Variants in CMIP observed in about 807,000 individuals in gnomAD.
The protein encoded by CMIP is c-Maf inducing protein, also known as C-Maf-inducing protein.
CMIP carries 13 observed loss-of-function variants against 97.3 expected under a neutral mutation model. The ratio of observed to expected loss-of-function variants is 0.13; its 90% CI spans 0.09 to 0.21. The LOEUF (loss-of-function observed/expected upper bound fraction) is 0.21, where lower values mean the gene tolerates loss of function less well. Ranked by LOEUF, CMIP falls within the 10% of genes least tolerant of loss-of-function variation. CMIP has a pLI of 1.00. For synonymous variants in CMIP, 538 were observed against 436.3 expected (o/e 1.23, Z -2.91); for missense variants, 847 against 1,024.9 (o/e 0.83, Z 2.37).
intron 1 of CMIP, among the ~76,000 whole-genome samples, chr16:81,530,639 C>T (rs145656243): frequency 2.7e-3 from 405 of 152,200 alleles, no homozygotes; most frequent in Non-Finnish European, 3.5e-3. Context: ...GAGCCTCTCC[C>T]GCCCGCCTCC....
At chr16:81,603,020 T>A (rs2091682792) in intron 1 of CMIP, among the ~76,000 whole-genome samples, 1 of 152,190 alleles carries the variant, frequency 6.6e-6, no homozygotes, top group African/African-American at 2.4e-5. Flanking sequence ...CCATGTCCCC[T>A]GCAAGCCTCC....
At chr16:81,594,780 A>ATTTTTTTTTT (rs570057427) in intron 1 of CMIP, among the ~76,000 whole-genome samples, 43 of 115,048 alleles carry the variant, frequency 3.7e-4, no homozygotes, top group African/African-American at 5.5e-4. Flanking sequence ...CGCCCAGCTA[A>ATTTTTTTTTT]TTTTTTTTTT....
At chr16:81,636,183 G>GATTTCA (rs66983215) in intron 3 of CMIP, among the ~76,000 whole-genome samples, 4 of 51,682 alleles carry the variant, frequency 7.7e-5, no homozygotes, top group Admixed American at 7.1e-4. Context: ...TCCTCTGTAT[G>GATTTCA]AATTTTTCAA....
At chr16:81,610,619 G>A (rs946201838) in intron 2 of CMIP, 7 of 824,918 alleles carry the variant, frequency 8.5e-6, no homozygotes, top group Non-Finnish European at 8.8e-6. Context: ...GACCTGGATC[G>A]GCTTCTCCCT....
intron 1 of CMIP, among the ~76,000 whole-genome samples, chr16:81,587,946 C>A (rs1336182688): frequency 2.0e-5 from 3 of 152,212 alleles, no homozygotes; most frequent in Admixed American, 6.5e-5. Context: ...TGGAAGCCTG[C>A]AGCCCCCAGG....
intron 5 of CMIP, 116 bp from the exon 6 acceptor site, chr16:81,660,768 A>T: frequency 1.9e-6 from 2 of 1,054,820 alleles, no homozygotes; most frequent in Non-Finnish European, 3.0e-6. Flanking sequence ...GATGTGATGC[A>T]GGATGTGTTG....
intron 1 of CMIP, among the ~76,000 whole-genome samples, chr16:81,552,040 G>A (rs1225805867): frequency 1.3e-5 from 2 of 152,208 alleles, no homozygotes; most frequent in Non-Finnish European, 1.5e-5. Flanking sequence ...GGGCAGGGAG[G>A]ACTGGGGAGC....
intron 1 of CMIP, among the ~76,000 whole-genome samples, chr16:81,497,912 G>T (rs1335213748): frequency 6.6e-6 from 1 of 152,246 alleles, no homozygotes; most frequent in East Asian, 1.9e-4. Flanking sequence ...TCCAGCTGTG[G>T]TCCCCCCAGA....
At chr16:81,543,884 G>A (rs2090494431) in intron 1 of CMIP, among the ~76,000 whole-genome samples, 1 of 152,186 alleles carries the variant, frequency 6.6e-6, no homozygotes, top group Non-Finnish European at 1.5e-5. Context: ...TCTACTTTCT[G>A]TCTAAAGAAG....
chr16:81,487,158 C>G (rs1046815153), intron 1 of CMIP, among the ~76,000 whole-genome samples: 2 of 147,774 alleles, frequency 1.4e-5, no homozygotes, highest in Non-Finnish European at 3.0e-5. Context: ...GGTGAGGCTT[C>G]TAGTGAACCG....
chr16:81,686,693 T>A (rs1321715172), intron 10 of CMIP, among the ~76,000 whole-genome samples: 1 of 152,048 alleles, frequency 6.6e-6, no homozygotes, highest in Non-Finnish European at 1.5e-5. Context: ...ATCGTGGGCT[T>A]ATTTGGAGGA....
At chr16:81,695,643 A>G (rs936330045) in intron 13 of CMIP, 11 of 152,236 alleles carry the variant, frequency 7.2e-5, no homozygotes, top group African/African-American at 2.7e-4. Flanking sequence ...CCCGCTCTCC[A>G]TCCTCTCCCT....
intron 14 of CMIP, chr16:81,698,250 T>G (rs1328393119): frequency 6.6e-6 from 1 of 152,226 alleles, no homozygotes; most frequent in Non-Finnish European, 1.5e-5. Context: ...TTGTGTGAAG[T>G]TGGAGGAAAG....
chr16:81,640,902 G>T (rs143479884), intron 3 of CMIP, among the ~76,000 whole-genome samples: 1 of 152,120 alleles, frequency 6.6e-6, no homozygotes, highest in African/African-American at 2.4e-5. Context: ...CATAGTCACA[G>T]ATACCGGGCT....
intron 1 of CMIP, among the ~76,000 whole-genome samples, chr16:81,497,092 A>C (rs1025550604): frequency 3.3e-5 from 5 of 152,196 alleles, no homozygotes; most frequent in African/African-American, 1.2e-4. Flanking sequence ...TCCCAGGCAC[A>C]GTGATGGGGC....
At position 81,462,401 on chromosome 16, in the gene CMIP, T is replaced by A. The variant is rs182962755; in HGVS notation, c.300+16860T>A. 8.5e-5 allele frequency among the ~76,000 whole-genome samples: 13 copies of A among 152,242 alleles called. No homozygotes were observed. In the East Asian group the frequency reaches 2.5e-3, roughly 29 times the overall value. ...TCCATAATATAGGCATTCTTAGGGA[T>A]TCATGGACACCTCCCTCTCTAGGGC... is the stretch of plus-strand genomic sequence containing the variant. On this transcript the variant is annotated intron_variant, in intron 1 of 20. Coordinates refer to ENST00000537098, the MANE Select transcript of CMIP (RefSeq NM_198390.3).
At chr16:81,500,940 C>T (rs1182162859) in intron 1 of CMIP, among the ~76,000 whole-genome samples, 1 of 152,200 alleles carries the variant, frequency 6.6e-6, no homozygotes, top group African/African-American at 2.4e-5. Flanking sequence ...AGAAGAAAAA[C>T]CCAGGATATG....
chr16:81,686,081 C>T (rs1905354867), intron 10 of CMIP, among the ~76,000 whole-genome samples: 1 of 152,182 alleles, frequency 6.6e-6, no homozygotes, highest in African/African-American at 2.4e-5. Flanking sequence ...CCAAGAGCAC[C>T]CGCCCAGCCA....
At chr16:81,667,796 G>GAGAGAGAGAC (rs2092623229) in intron 7 of CMIP, among the ~76,000 whole-genome samples, 4 of 93,246 alleles carry the variant, frequency 4.3e-5, no homozygotes, top group African/African-American at 2.0e-4. Flanking sequence ...GAGAGAGAGA[G>GAGAGAGAGAC]AGAGTGTGTG....
Sources: allele counts gnomAD v4.1 joint callset (sites outside exome capture counted in the v4.1 genomes callset), GRCh38; gene constraint gnomAD v4.1.1; transcripts MANE v1.5; gene names NCBI Gene and HGNC (gene_info 2026-07-23, HGNC 2026-07-21).